Variants in FRMD4B observed in about 807,000 individuals in gnomAD.
FRMD4B encodes FERM domain containing 4B.
In FRMD4B, 74 loss-of-function variants were observed where a neutral mutation model predicts 141.5. That is an observed-to-expected ratio of 0.52 (90% CI 0.43 to 0.63). The LOEUF (loss-of-function observed/expected upper bound fraction) is 0.63. Among genes scored for constraint, FRMD4B ranks in the 30% least tolerant of loss-of-function variants. FRMD4B has a pLI of 0.00. For missense variants in FRMD4B, 1,366 were observed against 1,253.4 expected (o/e 1.09, Z -1.36); for synonymous variants, 506 against 467.9 (o/e 1.08, Z -1.05).
At chr3:69,235,920 G>C (rs574393967) in intron 7 of FRMD4B, among the ~76,000 whole-genome samples, 1 of 152,178 alleles carries the variant, frequency 6.6e-6, no homozygotes, top group African/African-American at 2.4e-5. Context: ...AGGAAGAGGG[G>C]ACAGGAAATA....
chr3:69,320,183 C>A (rs1219336510), intron 1 of FRMD4B, among the ~76,000 whole-genome samples: 1 of 152,090 alleles, frequency 6.6e-6, no homozygotes, highest in Non-Finnish European at 1.5e-5. Context: ...GTAATAAATA[C>A]CATATTATTC....
intron 1 of FRMD4B, among the ~76,000 whole-genome samples, chr3:69,510,912 T>C (rs1162745149): frequency 6.6e-6 from 1 of 152,242 alleles, no homozygotes; most frequent in Non-Finnish European, 1.5e-5. Context: ...GGGAGAATAA[T>C]TTACATTCTT....
chr3:69,487,744 G>A (rs1461149876), intron 1 of FRMD4B, among the ~76,000 whole-genome samples: 1 of 152,190 alleles, frequency 6.6e-6, no homozygotes, highest in East Asian at 1.9e-4. Flanking sequence ...TGAGGCAGTT[G>A]GAGTGCTAGC....
chr3:69,339,519 G>A (rs1442446767), intron 1 of FRMD4B, among the ~76,000 whole-genome samples: 2 of 152,186 alleles, frequency 1.3e-5, no homozygotes, highest in African/African-American at 4.8e-5. Context: ...ACAGTGCGTG[G>A]CACTCAGCGT....
chr3:69,183,762 G>C (rs796235892), intron 19 of FRMD4B, among the ~76,000 whole-genome samples: 1 of 151,868 alleles, frequency 6.6e-6, no homozygotes, highest in Non-Finnish European at 1.5e-5. Flanking sequence ...GATTACAGGC[G>C]TGAGCCACCG....
At chr3:69,540,220 C>T (rs1252577989) in intron 1 of FRMD4B, among the ~76,000 whole-genome samples, 2 of 151,838 alleles carry the variant, frequency 1.3e-5, no homozygotes, top group Non-Finnish European at 2.9e-5. Flanking sequence ...AACACCAATA[C>T]ATCCACCACC....
chr3:69,212,371 AAAAAAAAAAG>A (rs1189372408), intron 11 of FRMD4B, among the ~76,000 whole-genome samples: 49 of 86,904 alleles, frequency 5.6e-4, no homozygotes, highest in Non-Finnish European at 6.7e-4. Flanking sequence ...AAAAAAAAAA[AAAAAAAAAAG>A]AAAAAAAAAA....
At position 69,189,429 on chromosome 3, in the gene FRMD4B, A is replaced by AT. The variant is rs943076721; in HGVS notation, c.1771+466dup. ...ATTTCACATTGTAAAACATACAATG[A>AT]TTTTATTTCATATTGTGATGAATAC... On this transcript the variant is annotated intron_variant, in intron 18 of 22. Coordinates refer to ENST00000398540, the MANE Select transcript of FRMD4B (RefSeq NM_015123.3). 2.6e-5 allele frequency among the ~76,000 whole-genome samples: 4 copies of AT among 152,198 alleles called. No homozygotes were observed. The East Asian group carries it at 7.7e-4, about 29-fold the overall frequency.
intron 1 of FRMD4B, among the ~76,000 whole-genome samples, chr3:69,521,775 A>C (rs1700858716): frequency 6.6e-6 from 1 of 151,872 alleles, no homozygotes; most frequent in South Asian, 2.1e-4. Context: ...AGGAATACCC[A>C]CCCCGCAGAC....
chr3:69,469,686 C>T (rs183617841), intron 1 of FRMD4B, among the ~76,000 whole-genome samples: 1 of 152,256 alleles, frequency 6.6e-6, no homozygotes, highest in African/African-American at 2.4e-5. Context: ...CACAGTAATT[C>T]AATTTATGGA....
chr3:69,466,318 AT>A (rs1371633516), intron 1 of FRMD4B, among the ~76,000 whole-genome samples: 5 of 151,168 alleles, frequency 3.3e-5, no homozygotes, highest in African/African-American at 1.2e-4. Flanking sequence ...TAGATTGCAA[AT>A]TTTTTTTTCC....
intron 1 of FRMD4B, among the ~76,000 whole-genome samples, chr3:69,526,077 C>T (rs566090159): frequency 6.6e-6 from 1 of 152,326 alleles, no homozygotes; most frequent in East Asian, 1.9e-4. Context: ...AATTTCTCTG[C>T]TGAGGACTTT....
chr3:69,340,231 G>C (rs1467871686), intron 1 of FRMD4B, among the ~76,000 whole-genome samples: 1 of 151,968 alleles, frequency 6.6e-6, no homozygotes, highest in Non-Finnish European at 1.5e-5. Context: ...CTCATGTCAT[G>C]GGGGTTTGGT....
upstream of FRMD4B, among the ~76,000 whole-genome samples, chr3:69,386,574 A>AG (rs1491361695): frequency 3.7e-4 from 7 of 18,960 alleles, no homozygotes; most frequent in South Asian, 2.9e-3. Flanking sequence ...AGAGAGAGAG[A>AG]AAAAAAAAAA....
At chr3:69,361,166 A>T (rs560299816) in intron 1 of FRMD4B, among the ~76,000 whole-genome samples, 108 of 152,180 alleles carry the variant, frequency 7.1e-4, no homozygotes, top group Non-Finnish European at 1.2e-3. Flanking sequence ...TTCTTTTTTT[A>T]AAATTTTCTT....
In FRMD4B at chr3:69,243,443, GA is replaced by G. The variant is rs2093402489; in HGVS notation, c.581+5782del. Reference sequence around the variant, plus strand: ...AAGGAGTATGCACAGCAGAGAATGGGAGACTAAATGTGTAATGCCAACCAAA... The same window carrying G: ...AAGGAGTATGCACAGCAGAGAATGGGGACTAAATGTGTAATGCCAACCAAA... On this transcript the variant is annotated intron_variant, in intron 7 of 22. Transcript: ENST00000398540. Among the ~76,000 whole-genome samples, 3 of 152,196 alleles carry G rather than the reference GA, an allele frequency of 2.0e-5. No homozygotes were observed. The South Asian group carries it at 6.2e-4, about 31-fold the overall frequency.
At chr3:69,341,818 T>C (rs559715472) in intron 1 of FRMD4B, among the ~76,000 whole-genome samples, 1 of 152,298 alleles carries the variant, frequency 6.6e-6, no homozygotes, top group East Asian at 1.9e-4. Context: ...TGAGAGGATA[T>C]AGCAAGATGG....
intron 1 of FRMD4B, among the ~76,000 whole-genome samples, chr3:69,439,031 TA>T (rs1436132516): frequency 1.4e-5 from 2 of 147,396 alleles, no homozygotes; most frequent in Admixed American, 1.4e-4. Flanking sequence ...CTGAATTTGG[TA>T]GATATTTAGT....
chr3:69,186,642 G>A (rs1482752790), intron 19 of FRMD4B, among the ~76,000 whole-genome samples: 2 of 152,192 alleles, frequency 1.3e-5, no homozygotes, highest in African/African-American at 2.4e-5. Context: ...AAGCCAAGAG[G>A]CAGGGGTTGC....
Sources: gnomAD v4.1 joint callset for allele counts (sites outside exome capture counted in the v4.1 genomes callset) on GRCh38, gnomAD v4.1.1 for gene constraint, MANE v1.5 for transcripts, NCBI Gene and HGNC (gene_info 2026-07-23, HGNC 2026-07-21) for gene names.